Variants in EPHA5 observed in about 807,000 individuals in gnomAD.
The protein encoded by EPHA5 is ephrin type-A receptor 5.
A neutral mutation model predicts 105.0 loss-of-function variants in EPHA5; 60 were observed. The ratio of observed to expected loss-of-function variants is 0.57; its 90% CI spans 0.46 to 0.71. The LOEUF is 0.71. EPHA5 is among the 30% of genes least tolerant of loss of function. EPHA5 has a pLI of 0.00. For missense variants in EPHA5, 1,218 were observed against 1,274.7 expected (o/e 0.96, Z 0.68); for synonymous variants, 513 against 449.1 (o/e 1.14, Z -1.80).
chr4:65,638,717 C>T (rs994873704), intron 2 of EPHA5, among the ~76,000 whole-genome samples: 1 of 152,142 alleles, frequency 6.6e-6, no homozygotes, highest in Non-Finnish European at 1.5e-5. Flanking sequence ...CCAGCCTGGG[C>T]AACAAGAGTG....
At chr4:65,521,029 A>G (rs9761912) in intron 3 of EPHA5, among the ~76,000 whole-genome samples, 38,326 of 152,034 alleles carry the variant, frequency 0.25, 5,025 homozygotes, top group African/African-American at 0.31. Flanking sequence ...TACAGAGTAT[A>G]TACCCAAAAG....
chr4:65,473,663 T>G (rs1240007655), intron 5 of EPHA5, among the ~76,000 whole-genome samples: 1 of 151,964 alleles, frequency 6.6e-6, no homozygotes, highest in African/African-American at 2.4e-5. Flanking sequence ...CCTTGACACA[T>G]GGGGATTATG....
At chr4:65,660,479 C>T (rs1299736381) in intron 1 of EPHA5, among the ~76,000 whole-genome samples, 1 of 152,016 alleles carries the variant, frequency 6.6e-6, no homozygotes, top group Non-Finnish European at 1.5e-5. Flanking sequence ...GAAATCATAC[C>T]TCAAATATTC....
intron 3 of EPHA5, among the ~76,000 whole-genome samples, chr4:65,534,205 T>C (rs1390181432): frequency 2.6e-5 from 4 of 152,290 alleles, no homozygotes; most frequent in African/African-American, 9.6e-5. Flanking sequence ...TTGTGTTTTT[T>C]GGGTAAAATT....
chr4:65,409,832 T>C (rs771873617), intron 7 of EPHA5, among the ~76,000 whole-genome samples: 2 of 152,164 alleles, frequency 1.3e-5, no homozygotes, highest in Admixed American at 6.6e-5. Context: ...TAGCTAACAG[T>C]GATTTTCAAA....
At chr4:65,343,616 A>C (rs1204403846) in intron 14 of EPHA5, among the ~76,000 whole-genome samples, 1 of 152,216 alleles carries the variant, frequency 6.6e-6, no homozygotes, top group Non-Finnish European at 1.5e-5. Context: ...GAAATCATTA[A>C]ATATAGTTGA....
At chr4:65,463,766 C>A (rs1728344203) in intron 5 of EPHA5, among the ~76,000 whole-genome samples, 1 of 152,090 alleles carries the variant, frequency 6.6e-6, no homozygotes, top group South Asian at 2.1e-4. Flanking sequence ...CACAATATTT[C>A]TCTTGCCATG....
rs189206507 is a variant in EPHA5 at position 65,646,758 on chromosome 4, C to T, written c.182-3331G>A. On this transcript the variant is annotated intron_variant, in intron 1 of 16. Transcript: ENST00000613740. ...AACAGAAGTTAGCATATTTGGGGGC[C>T]TTCTTTTTGAACCAAAATAATACTT... 2.4e-3 allele frequency among the ~76,000 whole-genome samples: 358 copies of T among 152,056 alleles called. 2 individuals are homozygous for T. The highest frequency in any genetic ancestry group is 3.8e-3 in the Non-Finnish European group (256 of 67,954).
intron 1 of EPHA5, among the ~76,000 whole-genome samples, chr4:65,658,044 A>ATC (rs1372078081): frequency 6.6e-6 from 1 of 151,620 alleles, no homozygotes; most frequent in Non-Finnish European, 1.5e-5. Context: ...TTTTACAGGG[A>ATC]TCTCTATTTC....
chr4:65,449,412 C>T (rs998273501), intron 5 of EPHA5, among the ~76,000 whole-genome samples: 1 of 152,086 alleles, frequency 6.6e-6, no homozygotes, highest in Non-Finnish European at 1.5e-5. Flanking sequence ...AACTTGAAAA[C>T]TTCTGCCACA....
At chr4:65,353,212 T>C (rs1722991818) in intron 11 of EPHA5, 109 bp from the exon 12 acceptor site, 1 of 215,106 alleles carries the variant, frequency 4.6e-6, no homozygotes, top group Non-Finnish European at 9.4e-6. Context: ...TATATATATA[T>C]ATATTTAAAA....
chr4:65,399,596 CT>C (rs1226050823), intron 8 of EPHA5, among the ~76,000 whole-genome samples: 2 of 152,300 alleles, frequency 1.3e-5, no homozygotes, highest in Admixed American at 6.5e-5. Flanking sequence ...ATATTTTTGG[CT>C]TTTTTGTTTC....
chr4:65,351,048 T>TATAA (rs1491507674), intron 13 of EPHA5, among the ~76,000 whole-genome samples: 8 of 144,620 alleles, frequency 5.5e-5, no homozygotes, highest in African/African-American at 2.0e-4. Context: ...TATATATATA[T>TATAA]AACCTTTAAT....
chr4:65,457,989 G>A (rs759924024), intron 5 of EPHA5, among the ~76,000 whole-genome samples: 3 of 143,994 alleles, frequency 2.1e-5, no homozygotes, highest in African/African-American at 7.8e-5. Flanking sequence ...CAGGAGAATC[G>A]CTTGAACCCG....
chr4:65,396,138 T>C (rs765802988), intron 8 of EPHA5, among the ~76,000 whole-genome samples: 1 of 152,212 alleles, frequency 6.6e-6, no homozygotes, highest in Non-Finnish European at 1.5e-5. Context: ...CTCTCGCTGC[T>C]ACTGGTGCCA....
At chr4:65,510,376 T>C (rs1429772860) in intron 3 of EPHA5, among the ~76,000 whole-genome samples, 2 of 152,118 alleles carry the variant, frequency 1.3e-5, no homozygotes, top group Non-Finnish European at 2.9e-5. Flanking sequence ...GACTTTAATT[T>C]ACTAGTTTTT....
intron 8 of EPHA5, among the ~76,000 whole-genome samples, chr4:65,368,008 CA>C (rs760577237): frequency 1.3e-5 from 2 of 152,160 alleles, no homozygotes; most frequent in Non-Finnish European, 2.9e-5. Context: ...CAATAATCCA[CA>C]AATTTGCAAG....
At chr4:65,618,293 C>T (rs1489618908) in intron 2 of EPHA5, among the ~76,000 whole-genome samples, 1 of 152,006 alleles carries the variant, frequency 6.6e-6, no homozygotes, top group Non-Finnish European at 1.5e-5. Flanking sequence ...TTCATTAATT[C>T]TTTGATTATA....
At position 65,373,625 on chromosome 4, in the gene EPHA5, A is replaced by G. The variant is rs28614070; in HGVS notation, c.1794-6201T>C. Among the ~76,000 whole-genome samples, 515 of 152,036 alleles carry G rather than the reference A, an allele frequency of 3.4e-3. 1 individual carries two copies. The highest frequency in any genetic ancestry group is 0.011 in the African/African-American group (476 of 41,540). On this transcript the variant is annotated intron_variant, in intron 8 of 16. Coordinates refer to ENST00000613740, the MANE Select transcript of EPHA5 (RefSeq NM_001281766.3). ...TTCGGATTTTGTTTTTAATTTCTGC[A>G]TTGTATGTCTGAATTATGAGATACA...
Sources: allele counts gnomAD v4.1 joint callset (sites outside exome capture counted in the v4.1 genomes callset), GRCh38; gene constraint gnomAD v4.1.1; transcripts MANE v1.5; gene names NCBI Gene and HGNC (gene_info 2026-07-23, HGNC 2026-07-21).